The following GABRB1 variants were observed in gnomAD, a reference collection of about 807,000 sequenced individuals.
The protein encoded by GABRB1 is gamma-aminobutyric acid type A receptor subunit beta1.
A neutral mutation model predicts 51.6 loss-of-function variants in GABRB1; 17 were observed. That is an observed-to-expected ratio of 0.33 (90% CI 0.23 to 0.49). The LOEUF (loss-of-function observed/expected upper bound fraction) is 0.49. GABRB1 is among the 20% of genes least tolerant of loss of function. The pLI is 0.99. For missense variants in GABRB1, 410 were observed against 600.6 expected (o/e 0.68, Z 3.32); for synonymous variants, 247 against 218.9 (o/e 1.13, Z -1.14).
At chr4:47,304,548 T>C (rs149409167) in intron 4 of GABRB1, among the ~76,000 whole-genome samples, 27 of 152,156 alleles carry the variant, frequency 1.8e-4, no homozygotes, top group Middle Eastern at 3.4e-3. Flanking sequence ...TTGTCAGATG[T>C]TTGGTTTGCA....
chr4:47,320,120 C>G lies in GABRB1; in HGVS notation c.462-7C>G, dbSNP rs1407640817. On this transcript the variant is annotated splice_region_variant and splice_polypyrimidine_tract_variant and intron_variant, in intron 4 of 8. Transcript: ENST00000295454. ...ATGTTTTCTTTTTTCTCTCTCCTCT[C>G]TATCAGAATCACAACCACAGCTGCA... The G allele has an allele frequency of 6.4e-7, 1 of 1,564,436 alleles. No individual in the cohort carries two copies. Among genetic ancestry groups the G allele is most frequent in the Non-Finnish European group, 8.8e-7 (1 of 1,134,546 alleles).
chr4:47,146,577 T>C (rs1717179217), intron 3 of GABRB1, among the ~76,000 whole-genome samples: 1 of 152,016 alleles, frequency 6.6e-6, no homozygotes, highest in Non-Finnish European at 1.5e-5. Flanking sequence ...AATAATGACA[T>C]GAGAATTAAT....
intron 4 of GABRB1, among the ~76,000 whole-genome samples, chr4:47,172,445 A>G (rs1718478207): frequency 6.6e-6 from 1 of 152,050 alleles, no homozygotes; most frequent in East Asian, 1.9e-4. Context: ...ACATTTTGAG[A>G]AGAAAATAGG....
chr4:47,115,780 T>G (rs1247240162), intron 3 of GABRB1, among the ~76,000 whole-genome samples: 2 of 152,162 alleles, frequency 1.3e-5, no homozygotes, highest in African/African-American at 4.8e-5. Context: ...CAGTTAACAG[T>G]AATTAGGAAT....
intron 4 of GABRB1, among the ~76,000 whole-genome samples, chr4:47,227,914 C>T (rs1466910469): frequency 6.6e-6 from 1 of 152,140 alleles, no homozygotes; most frequent in African/African-American, 2.4e-5. Context: ...TCCCTATGTC[C>T]TAATCTCCTT....
chr4:47,340,410 A>G (rs1725840136), intron 5 of GABRB1, among the ~76,000 whole-genome samples: 1 of 152,044 alleles, frequency 6.6e-6, no homozygotes, highest in South Asian at 2.1e-4. Flanking sequence ...GTCTTAGTCC[A>G]TTTGCGCTGG....
intron 4 of GABRB1, among the ~76,000 whole-genome samples, chr4:47,271,597 C>T (rs1362239941): frequency 6.6e-6 from 1 of 152,180 alleles, no homozygotes; most frequent in Admixed American, 6.5e-5. Flanking sequence ...AGAAATCTCA[C>T]TGGGCCATTT....
chr4:47,344,702 G>GTT (rs1429323325), intron 5 of GABRB1, among the ~76,000 whole-genome samples: 2 of 151,522 alleles, frequency 1.3e-5, no homozygotes, highest in African/African-American at 4.8e-5. Flanking sequence ...TTTTTGTTTT[G>GTT]TTTTGTGTGT....
rs10517178 is a variant in GABRB1, at chr4:47,100,976, C to G, written c.241-60273C>G. Among the ~76,000 whole-genome samples, 3 of 151,702 alleles carry G rather than the reference C, an allele frequency of 2.0e-5. No individual in the cohort carries two copies. In the South Asian group the frequency reaches 6.2e-4, roughly 31 times the overall value. ...AGGACAGTATGTTGTCTATAAAATACGGTACATGGAGTGGATGGACAAAAG... is the reference window on the plus strand; with the variant it reads ...AGGACAGTATGTTGTCTATAAAATAGGGTACATGGAGTGGATGGACAAAAG... On this transcript the variant is annotated intron_variant, in intron 3 of 8. Transcript: ENST00000295454.
chr4:47,286,149 T>C (rs1723502907), intron 4 of GABRB1, among the ~76,000 whole-genome samples: 1 of 152,188 alleles, frequency 6.6e-6, no homozygotes, highest in African/African-American at 2.4e-5. Flanking sequence ...GAGTAAGAGA[T>C]TCATGTATTA....
intron 3 of GABRB1, among the ~76,000 whole-genome samples, chr4:47,128,420 G>A (rs1050517671): frequency 6.6e-5 from 10 of 151,836 alleles, no homozygotes; most frequent in African/African-American, 2.2e-4. Flanking sequence ...CCTCTACCTA[G>A]ATTCATCTAT....
chr4:47,402,650 A>G (rs1053915066), intron 5 of GABRB1, among the ~76,000 whole-genome samples: 1 of 152,040 alleles, frequency 6.6e-6, no homozygotes, highest in Middle Eastern at 3.2e-3. Context: ...TACAATCTAC[A>G]GTTCCCTACA....
chr4:47,300,281 TA>T (rs895457488), intron 4 of GABRB1, among the ~76,000 whole-genome samples: 4 of 151,886 alleles, frequency 2.6e-5, no homozygotes, highest in Non-Finnish European at 5.9e-5. Flanking sequence ...GTGTTAATAG[TA>T]AAAAAACAAA....
At chr4:47,229,690 T>G (rs1721068938) in intron 4 of GABRB1, among the ~76,000 whole-genome samples, 1 of 152,094 alleles carries the variant, frequency 6.6e-6, no homozygotes, top group South Asian at 2.1e-4. Flanking sequence ...GGGTCCAAAA[T>G]GCAACCATAT....
At chr4:47,070,354 G>A (rs1560520109) in intron 3 of GABRB1, among the ~76,000 whole-genome samples, 1 of 141,594 alleles carries the variant, frequency 7.1e-6, no homozygotes, top group African/African-American at 2.7e-5. Flanking sequence ...TTTTGAGACA[G>A]AGTTTTCACT....
chr4:47,064,162 G>C (rs1316435301), intron 3 of GABRB1, among the ~76,000 whole-genome samples: 1 of 152,140 alleles, frequency 6.6e-6, no homozygotes, highest in Non-Finnish European at 1.5e-5. Flanking sequence ...TGAAGCTTGA[G>C]CTTCTTTAGT....
rs558741689 is a variant in GABRB1, at chr4:47,320,060, A to G, written c.462-67A>G. 1.9e-5 allele frequency: 21 copies of G among 1,092,908 alleles called. No homozygotes were observed. The African/African-American group carries it at 2.8e-4, about 14-fold the overall frequency. The allele number at this position is 1,092,908 out of a possible 1,614,324, so 67.7% of individuals were successfully genotyped here. On this transcript the variant is annotated intron_variant, in intron 4 of 8. Transcript: ENST00000295454. The stretch of plus-strand genomic sequence containing the variant: ...CAACTGGTAAACATGATTTGGGGCT[A>G]GGAAGCCTGGAAATGAAATGTCATC...
chr4:47,013,424 G>T (rs1724642876), intron 1 of GABRB1, among the ~76,000 whole-genome samples: 1 of 152,086 alleles, frequency 6.6e-6, no homozygotes, highest in Admixed American at 6.6e-5. Context: ...CCTCCCGAGT[G>T]CTGGGATTAC....
intron 3 of GABRB1, among the ~76,000 whole-genome samples, chr4:47,082,839 T>A (rs1727906633): frequency 6.6e-6 from 1 of 152,150 alleles, no homozygotes; most frequent in Admixed American, 6.6e-5. Context: ...GAAACTGTCT[T>A]CCTTATCACA....
Sources: gnomAD v4.1 joint callset for allele counts (sites outside exome capture counted in the v4.1 genomes callset) on GRCh38, gnomAD v4.1.1 for gene constraint, MANE v1.5 for transcripts, NCBI Gene and HGNC (gene_info 2026-07-23, HGNC 2026-07-21) for gene names.